HS6ST2: variants seen among roughly 807,000 people sequenced by gnomAD.
HS6ST2 encodes the protein heparan sulfate 6-O-sulfotransferase 2.
HS6ST2 carries 17 observed loss-of-function variants against 33.0 expected under a neutral mutation model. That is an observed-to-expected ratio of 0.52 (90% CI 0.35 to 0.77). The LOEUF (loss-of-function observed/expected upper bound fraction) is 0.77. HS6ST2 is among the 30% of genes least tolerant of loss of function. The pLI is 0.01. For missense variants in HS6ST2, 519 were observed against 551.7 expected, an observed-to-expected ratio of 0.94 and a Z score of 0.59; for synonymous variants, 248 against 237.1, an observed-to-expected ratio of 1.05 and a Z score of -0.42.
intron 3 of HS6ST2, among the ~76,000 whole-genome samples, chrX:132,675,241 G>C (rs760337515): frequency 9.1e-6 from 1 of 110,340 alleles, no homozygotes; most frequent in Non-Finnish European, 1.9e-5. Context: ...GCAGATGTGC[G>C]GTCATTGCTC....
intron 4 of HS6ST2, among the ~76,000 whole-genome samples, chrX:132,664,021 T>G (rs2063793197): frequency 8.9e-6 from 1 of 112,113 alleles, no homozygotes; most frequent in Admixed American, 9.4e-5. Context: ...TTTTCTTTTC[T>G]TTTTTTTGAG....
At chrX:132,775,107 C>G (rs1265804066) in intron 2 of HS6ST2, among the ~76,000 whole-genome samples, 3 of 110,657 alleles carry the variant, frequency 2.7e-5, no homozygotes, top group Non-Finnish European at 5.7e-5. Context: ...TGTCCATCAG[C>G]CTTACTTCCA....
At chrX:132,687,297 A>C (rs1470728064) in intron 3 of HS6ST2, among the ~76,000 whole-genome samples, 1 of 111,141 alleles carries the variant, frequency 9.0e-6, no homozygotes, top group African/African-American at 3.3e-5. Context: ...TCAATGCACT[A>C]CTTTCTCCTG....
intron 4 of HS6ST2, among the ~76,000 whole-genome samples, chrX:132,635,406 AC>A (rs1479947104): frequency 1.8e-5 from 2 of 111,393 alleles, no homozygotes; most frequent in African/African-American, 6.5e-5. Context: ...CCCAGATGGC[AC>A]ATACCTGACC....
chrX:132,666,423 A>G (rs1448149913), intron 4 of HS6ST2, among the ~76,000 whole-genome samples: 1 of 111,725 alleles, frequency 9.0e-6, no homozygotes, highest in Non-Finnish European at 1.9e-5. Flanking sequence ...TTTAATTACT[A>G]CTACTATTAT....
At chrX:132,662,481 G>T (rs1317012822) in intron 4 of HS6ST2, among the ~76,000 whole-genome samples, 1 of 112,065 alleles carries the variant, frequency 8.9e-6, no homozygotes, top group Non-Finnish European at 1.9e-5. Flanking sequence ...CACAGAGGTA[G>T]AAAAAGAGTC....
Position 132,658,907 on chromosome X carries a change from C to T in HS6ST2, c.1067+10206G>A, listed in dbSNP as rs1044642238. ...TATTACGCCTGCCATACTGCATGGG[C>T]CTAGCCAGTTGATCATTTTGATTAA... is the stretch of plus-strand genomic sequence containing the variant. On this transcript the variant is annotated intron_variant, in intron 4 of 4. Coordinates refer to ENST00000370833, the MANE Select transcript of HS6ST2 (RefSeq NM_001394073.1). Among the ~76,000 whole-genome samples the T allele has an allele frequency of 2.7e-5, 3 of 111,348 alleles. No individual in the cohort carries two copies. In the Admixed American group the frequency reaches 2.9e-4, roughly 11 times the overall value.
chrX:132,930,433 G>A (rs1168645695), intron 2 of HS6ST2, among the ~76,000 whole-genome samples: 3 of 111,209 alleles, frequency 2.7e-5, no homozygotes, highest in African/African-American at 9.8e-5. Context: ...CCAAAGTGTT[G>A]GGATTACAGG....
intron 2 of HS6ST2, among the ~76,000 whole-genome samples, chrX:132,748,103 G>A (rs1262756754): frequency 9.0e-6 from 1 of 111,286 alleles, no homozygotes; most frequent in Non-Finnish European, 1.9e-5. Flanking sequence ...CTCTCTGTGG[G>A]AACAGAGAGT....
At chrX:132,662,139 T>C (rs1024574283) in intron 4 of HS6ST2, among the ~76,000 whole-genome samples, 1 of 110,830 alleles carries the variant, frequency 9.0e-6, no homozygotes, top group Admixed American at 9.7e-5. Flanking sequence ...CAAATACATA[T>C]GGACAAATGA....
chrX:132,628,449 T>C lies in HS6ST2; in HGVS notation c.1712A>G (p.Gln571Arg), dbSNP rs1439236231. The change falls in exon 5 of 5, where the codon CAG becomes CGG. Residue 571 changes from glutamine to arginine, a missense_variant. Transcript: ENST00000370833. ...CTGGCTCTGGCCCTGACCCTGGCTC[T>C]GGAAATGGGTCTGAAGGAGCCTTCC... Reference protein sequence around the residue: ...LKGRLLQTHFQSQGQGQSQNP... With the variant: ...LKGRLLQTHFRSQGQGQSQNP... 8.3e-7 allele frequency: 1 copy of C among 1,208,618 alleles called. No individual in the cohort carries two copies. The highest frequency in any genetic ancestry group is 1.1e-6 in the Non-Finnish European group (1 of 894,591).
At chrX:132,735,340 G>C (rs1009639121) in intron 2 of HS6ST2, 1 of 111,053 alleles carries the variant, frequency 9.0e-6, no homozygotes, top group East Asian at 2.8e-4. Flanking sequence ...CTAGGATGCG[G>C]GCTCCATAGG....
chrX:132,932,713 T>C (rs918813617), intron 2 of HS6ST2, among the ~76,000 whole-genome samples: 10 of 109,647 alleles, frequency 9.1e-5, no homozygotes, highest in African/African-American at 3.3e-4. Flanking sequence ...CCTTTAGAAA[T>C]AGTGTTGAAA....
intron 2 of HS6ST2, among the ~76,000 whole-genome samples, chrX:132,750,044 C>T (rs866929985): frequency 9.1e-6 from 1 of 110,030 alleles, no homozygotes; most frequent in Non-Finnish European, 1.9e-5. Context: ...GCAAATTAAC[C>T]GGGGTGGGGG....
intron 4 of HS6ST2, among the ~76,000 whole-genome samples, chrX:132,652,677 C>T (rs1231687283): frequency 1.0e-4 from 11 of 110,269 alleles, no homozygotes; most frequent in Admixed American, 8.9e-4. Flanking sequence ...ATCAGAAAGT[C>T]GGTAGCAATT....
chrX:132,917,750 C>T (rs2066608411), intron 2 of HS6ST2, among the ~76,000 whole-genome samples: 1 of 111,939 alleles, frequency 8.9e-6, no homozygotes, highest in Non-Finnish European at 1.9e-5. Flanking sequence ...TCAAAAGGCA[C>T]ACATCTCATT....
At chrX:132,669,705 G>A (rs2148204449) in intron 3 of HS6ST2, 1 of 108,804 alleles carries the variant, frequency 9.2e-6, no homozygotes, top group Non-Finnish European at 1.9e-5. Flanking sequence ...TACATGGGAA[G>A]TCCGTGAATT....
At chrX:132,801,100 T>C (rs2065230990) in intron 2 of HS6ST2, among the ~76,000 whole-genome samples, 2 of 111,399 alleles carry the variant, frequency 1.8e-5, no homozygotes, top group Non-Finnish European at 3.8e-5. Context: ...ACACTAGGTG[T>C]TGTTCCTGAC....
chrX:132,950,500 A>G (rs760975403), intron 2 of HS6ST2, among the ~76,000 whole-genome samples: 3 of 112,164 alleles, frequency 2.7e-5, no homozygotes, highest in Non-Finnish European at 5.6e-5. Context: ...AGCACTGTCT[A>G]CTTTTTTTGT....
Sources: allele counts gnomAD v4.1 joint callset (sites outside exome capture counted in the v4.1 genomes callset), GRCh38; gene constraint gnomAD v4.1.1; transcripts MANE v1.5; gene names NCBI Gene and HGNC (gene_info 2026-07-23, HGNC 2026-07-21).